RUNX1: variants seen among roughly 807,000 people sequenced by gnomAD.
RUNX1 encodes runt-related transcription factor 1.
RUNX1 carries 19 observed loss-of-function variants against 42.8 expected under a neutral mutation model. That is an observed-to-expected ratio of 0.44 (90% confidence interval 0.31 to 0.65). RUNX1 has a LOEUF of 0.65. Ranked by LOEUF, RUNX1 falls within the 30% of genes least tolerant of loss-of-function variation. The probability of loss-of-function intolerance (pLI) is 0.07; values close to 1 mark genes in which losing one functional copy is unlikely to be tolerated. For synonymous variants in RUNX1, 271 were observed against 289.4 expected (o/e 0.94, Z 0.64); for missense variants, 528 against 672.0 (o/e 0.79, Z 2.37).
At chr21:34,849,339 T>C (rs1326909714) in intron 6 of RUNX1, among the ~76,000 whole-genome samples, 5 of 35,772 alleles carry the variant, frequency 1.4e-4, no homozygotes, top group Non-Finnish European at 2.2e-4. Flanking sequence ...ATACTATATA[T>C]ATTATATATA....
chr21:35,028,982 G>A (rs2059255409), intron 2 of RUNX1, among the ~76,000 whole-genome samples: 1 of 152,154 alleles, frequency 6.6e-6, no homozygotes, highest in South Asian at 2.1e-4. Flanking sequence ...GAATTGGAGA[G>A]GGGTTCCTTT....
At chr21:34,994,455 T>C (rs1245423657) in intron 2 of RUNX1, among the ~76,000 whole-genome samples, 1 of 152,152 alleles carries the variant, frequency 6.6e-6, no homozygotes, top group Non-Finnish European at 1.5e-5. Context: ...AGAGGATGGA[T>C]ACCCCATTTT....
intron 6 of RUNX1, among the ~76,000 whole-genome samples, chr21:34,850,330 T>C (rs2057400143): frequency 6.6e-6 from 1 of 152,184 alleles, no homozygotes; most frequent in African/African-American, 2.4e-5. Context: ...CTTGCACACA[T>C]GGAAGGGTCT....
intron 2 of RUNX1, among the ~76,000 whole-genome samples, chr21:34,932,491 T>G (rs1036966422): frequency 1.1e-4 from 17 of 152,300 alleles, no homozygotes; most frequent in African/African-American, 4.1e-4. Flanking sequence ...ACTTTCCATA[T>G]AGCTGATTTA....
At chr21:34,860,726 A>C (rs766946217) in intron 5 of RUNX1, among the ~76,000 whole-genome samples, 5 of 152,186 alleles carry the variant, frequency 3.3e-5, no homozygotes, top group African/African-American at 7.2e-5. Flanking sequence ...TGAAAGGAAA[A>C]TATTTTCAAT....
intron 2 of RUNX1, among the ~76,000 whole-genome samples, chr21:35,023,428 TCTC>T (rs751772605): frequency 1.1e-4 from 17 of 152,216 alleles, no homozygotes; most frequent in Non-Finnish European, 2.2e-4. Context: ...GCATTTCCCT[TCTC>T]CTCTGTCACT....
intron 2 of RUNX1, among the ~76,000 whole-genome samples, chr21:34,913,242 A>AAGAAGG (rs796474477): frequency 5.9e-5 from 9 of 152,190 alleles, no homozygotes; most frequent in African/African-American, 9.6e-5. Flanking sequence ...CAAAAAGAAG[A>AAGAAGG]AGAAGGAGAA....
chr21:34,988,538 ACAACTGTCCTTCC>A lies in RUNX1; in HGVS notation c.58+60291_58+60303del, dbSNP rs146667452. Among the ~76,000 whole-genome samples the A allele has an allele frequency of 5.5e-3, 844 of 152,204 alleles. 16 individuals carry two copies. The highest frequency in any genetic ancestry group is 0.046 in the East Asian group (237 of 5,174). On this transcript the variant is annotated intron_variant, in intron 2 of 8. Transcript: ENST00000675419. ...TGTGGGCACTCGCCTCGGCTCCTGT[ACAACTGTCCTTCC>A]CATCTCCATCTGCCAAACTCATTCT...
intron 7 of RUNX1, among the ~76,000 whole-genome samples, chr21:34,826,060 C>T (rs185833459): frequency 6.6e-6 from 1 of 152,278 alleles, no homozygotes; most frequent in African/African-American, 2.4e-5. Context: ...TTTAAGCCAC[C>T]AAGTTTGTGG....
rs2145866632 is a variant in RUNX1, at chr21:34,791,106, AAAATCCT to A, written c.*1022_*1028del. ...TCCTTGGAGTGACCCTCAGTGTCTA[AAAATCCT>A]ATTAAAAACGTTGCTGCGTGAGCTA... On this transcript the variant is annotated 3_prime_UTR_variant, in exon 9 of 9. Coordinates refer to ENST00000675419, the MANE Select transcript of RUNX1 (RefSeq NM_001754.5). 4.3e-6 allele frequency: 1 copy of A among 233,684 alleles called. No homozygotes were observed. Among genetic ancestry groups the A allele is most frequent in the East Asian group, 6.0e-5 (1 of 16,566 alleles). The allele number at this position is 233,684 out of a possible 1,614,324, so 14.5% of individuals were successfully genotyped here. A position where few individuals can be genotyped will look rare whatever the true frequency, so the allele number is the denominator to read the frequency against.
At chr21:34,842,501 A>AC (rs1407954562) in intron 6 of RUNX1, among the ~76,000 whole-genome samples, 3 of 151,426 alleles carry the variant, frequency 2.0e-5, no homozygotes, top group Non-Finnish European at 4.4e-5. Flanking sequence ...CCAAAAAAAA[A>AC]AAAAAAAAAA....
intron 5 of RUNX1, among the ~76,000 whole-genome samples, chr21:34,862,881 G>A (rs376266588): frequency 3.3e-5 from 5 of 152,134 alleles, no homozygotes; most frequent in South Asian, 2.1e-4. Context: ...CTACAGGCAC[G>A]CGTGTGTTTT....
At chr21:34,963,654 C>T (rs1041453465) in intron 2 of RUNX1, among the ~76,000 whole-genome samples, 3 of 152,204 alleles carry the variant, frequency 2.0e-5, no homozygotes, top group Admixed American at 1.3e-4. Context: ...GTAAGTTGTT[C>T]AAGCTATAGT....
intron 2 of RUNX1, among the ~76,000 whole-genome samples, chr21:34,898,849 T>C (rs528865662): frequency 8.5e-5 from 13 of 152,370 alleles, no homozygotes; most frequent in Non-Finnish European, 1.3e-4. Context: ...AAGCTCCCAG[T>C]GTTGCCACTG....
At chr21:34,844,949 AGTT>A (rs1390515926) in intron 6 of RUNX1, among the ~76,000 whole-genome samples, 1 of 152,218 alleles carries the variant, frequency 6.6e-6, no homozygotes, top group Non-Finnish European at 1.5e-5. Flanking sequence ...AACCGCAGCA[AGTT>A]GTTTTGAACA....
At chr21:34,996,431 G>A (rs532896166) in intron 2 of RUNX1, among the ~76,000 whole-genome samples, 2 of 152,226 alleles carry the variant, frequency 1.3e-5, no homozygotes, top group East Asian at 1.9e-4. Context: ...GCAGGCTGCA[G>A]GGACGTCCTC....
At chr21:34,830,958 C>T (rs1026379749) in intron 7 of RUNX1, among the ~76,000 whole-genome samples, 13 of 152,222 alleles carry the variant, frequency 8.5e-5, no homozygotes, top group East Asian at 3.9e-4. Context: ...GAGGAAATTA[C>T]GACACCTTAA....
chr21:34,818,059 G>A (rs1014783443), intron 7 of RUNX1, among the ~76,000 whole-genome samples: 16 of 152,324 alleles, frequency 1.1e-4, no homozygotes, highest in South Asian at 2.1e-4. Context: ...TACTTTCTGC[G>A]GCTGTCACTG....
At chr21:34,892,608 C>A (rs1569090281) in intron 3 of RUNX1, among the ~76,000 whole-genome samples, 2 of 152,206 alleles carry the variant, frequency 1.3e-5, no homozygotes, top group Non-Finnish European at 2.9e-5. Flanking sequence ...AGGTAATAAG[C>A]TGGGCTGTGA....
Sources: gnomAD v4.1 joint callset for allele counts (sites outside exome capture counted in the v4.1 genomes callset) on GRCh38, gnomAD v4.1.1 for gene constraint, MANE v1.5 for transcripts, NCBI Gene and HGNC (gene_info 2026-07-23, HGNC 2026-07-21) for gene names.